Variants in NCOR1 observed in about 807,000 individuals in gnomAD.
NCOR1 encodes protein phosphatase 1, regulatory subunit 109.
A neutral mutation model predicts 288.1 loss-of-function variants in NCOR1; 63 were observed. That is an observed-to-expected ratio of 0.22 (90% CI 0.18 to 0.27). The LOEUF is 0.27. NCOR1 is among the 10% of genes least tolerant of loss of function. The pLI is 1.00. For missense variants in NCOR1, 2,397 were observed against 3,019.2 expected (o/e 0.79, Z 4.83); for synonymous variants, 1,007 against 1,065.9 (o/e 0.94, Z 1.08).
rs563704124 is a variant in NCOR1 at position 16,061,728 on chromosome 17, T to C, written c.5554A>G (p.Asn1852Asp). The C allele has an allele frequency of 1.9e-6, 3 of 1,614,220 alleles. No individual in the cohort carries two copies. In the South Asian group the frequency reaches 3.3e-5, roughly 18 times the overall value. The change falls in exon 37 of 46, where the codon AAT (asparagine) becomes GAT (aspartate). Residue 1852 changes from asparagine to aspartate, a missense_variant. Coordinates refer to ENST00000268712, the MANE Select transcript of NCOR1 (RefSeq NM_006311.4). ...ACTGCTGCTGACCTGCTTCTCAAATTTTCTTCTAACCTGGCAGCTTCATGC... is the reference window on the plus strand; with the variant it reads ...ACTGCTGCTGACCTGCTTCTCAAATCTTCTTCTAACCTGGCAGCTTCATGC... ...SKHEAARLEENLRSRSAAVSE... is the reference protein window; with the variant it reads ...SKHEAARLEEDLRSRSAAVSE...
chr17:16,061,935 C>A, intron 36 of NCOR1, 41 bp from the exon 37 acceptor site: 1 of 1,570,916 alleles, frequency 6.4e-7, no homozygotes, highest in South Asian at 1.2e-5. Context: ...AAGGGAAGAC[C>A]ATTTGCTGGG....
Position 16,151,959 on chromosome 17 carries a change from C to T in NCOR1, c.829G>A (p.Glu277Lys). 6.3e-7 allele frequency: 1 copy of T among 1,599,374 alleles called. No individual in the cohort carries two copies. Among genetic ancestry groups the T allele is most frequent in the Non-Finnish European group, 8.5e-7 (1 of 1,173,808 alleles). The change falls in exon 8 of 46, where the codon GAG (glutamate) becomes AAG (lysine). Residue 277 changes from glutamate to lysine, a missense_variant. Glu to Lys is a moderately conservative substitution (Grantham distance 56). This residue lies in a region of NCOR1 where 76 missense variants were observed against 102.2 expected (regional missense o/e 0.74). Transcript: ENST00000268712. ...NQPSDTKVYH[E>K]NIKTNQVMRK... is the part of the protein sequence containing the mutation. ...ATCAATACTTACGTCTTGATGTTCT[C>T]ATGGTACACCTTGGTATCTGATGGC... is the stretch of plus-strand genomic sequence containing the variant.
Position 16,080,055 on chromosome 17 carries a change from C to G in NCOR1, c.3410G>C (p.Gly1137Ala), listed in dbSNP as rs2063154258. The G allele has an allele frequency of 6.2e-7, 1 of 1,613,748 alleles. No individual in the cohort carries two copies. Among genetic ancestry groups the G allele is most frequent in the Non-Finnish European group, 8.5e-7 (1 of 1,179,776 alleles). Residue 1137 changes from glycine (G) to alanine (A), a missense_variant, in exon 26 of 46, where the codon GGA becomes GCA. By Grantham distance (60) the Gly-to-Ala change is moderately conservative (BLOSUM62 0). Transcript: ENST00000268712. Reference protein sequence around the residue: ...QHEGVVRGTAGAIQEGSITRG... With the variant: ...QHEGVVRGTAAAIQEGSITRG... ...AGTTATACTTCCTTCTTGTATGGCT[C>G]CTGCGGTACCTGAATACAAACAAAG...
chr17:16,066,223 G>A (rs935759114), intron 32 of NCOR1, among the ~76,000 whole-genome samples: 6 of 152,108 alleles, frequency 3.9e-5, no homozygotes, highest in African/African-American at 7.2e-5. Flanking sequence ...GGGCCATTTC[G>A]CATTTGTCAC....
rs767942246 is a variant in NCOR1, at chr17:16,057,716, C to A, written c.6190G>T (p.Ala2064Ser). ...GTCTGCGAGGAAACTTGATTTCTAG[C>A]AAAATCTTGTGTGATAATTTGCTGT... Reference protein sequence around the residue: ...HICQIITQDFARNQVSSQTPQ... With the variant: ...HICQIITQDFSRNQVSSQTPQ... Residue 2064 changes from alanine (A) to serine (S), a missense_variant, in exon 40 of 46, where the codon GCT (alanine) becomes TCT (serine). Ala to Ser is a moderately conservative substitution (Grantham distance 99). Coordinates refer to ENST00000268712, the MANE Select transcript of NCOR1 (RefSeq NM_006311.4). 1 of 1,613,366 alleles carries A rather than the reference C, an allele frequency of 6.2e-7. No homozygotes were observed. The highest frequency in any genetic ancestry group is 1.1e-5 in the South Asian group (1 of 91,044).
chr17:16,098,956 T>G (rs1234530248), intron 20 of NCOR1: 1 of 152,306 alleles, frequency 6.6e-6, no homozygotes. Flanking sequence ...GGTTAAAAAC[T>G]AGTTACCTGT....
intron 27 of NCOR1, among the ~76,000 whole-genome samples, chr17:16,074,717 TC>T (rs1482107686): frequency 6.6e-6 from 1 of 152,178 alleles, no homozygotes; most frequent in Non-Finnish European, 1.5e-5. Context: ...GGCTAATATT[TC>T]TATCACATTT....
chr17:16,071,350 A>T, intron 30 of NCOR1, 59 bp downstream of exon 30: 3 of 1,562,476 alleles, frequency 1.9e-6, no homozygotes, highest in Non-Finnish European at 2.6e-6. Context: ...ATTAAGTCAC[A>T]CTTTTTTAAA....
intron 45 of NCOR1, 105 bp from the exon 46 acceptor site, chr17:16,032,588 A>T: frequency 1.8e-6 from 2 of 1,105,730 alleles, no homozygotes; most frequent in Non-Finnish European, 2.5e-6. Flanking sequence ...TAAAATGGTC[A>T]TGTGACACCA....
chr17:16,193,487 C>T (rs985669849), intron 2 of NCOR1, among the ~76,000 whole-genome samples: 2 of 152,248 alleles, frequency 1.3e-5, no homozygotes, highest in Non-Finnish European at 1.5e-5. Context: ...CCCACCTCAG[C>T]CTCCCAAAAT....
intron 2 of NCOR1, among the ~76,000 whole-genome samples, chr17:16,187,344 C>T (rs1483136471): frequency 2.0e-5 from 3 of 151,456 alleles, no homozygotes; most frequent in South Asian, 2.1e-4. Flanking sequence ...TATATAAAAC[C>T]ACACACAAAA....
chr17:16,111,214 A>G (rs1343480227), intron 18 of NCOR1, among the ~76,000 whole-genome samples: 3 of 152,204 alleles, frequency 2.0e-5, no homozygotes, highest in South Asian at 2.1e-4. Context: ...TTCACATGCA[A>G]TAATTCACTA....
intron 22 of NCOR1, among the ~76,000 whole-genome samples, chr17:16,089,561 G>C (rs1377342097): frequency 6.6e-6 from 1 of 151,788 alleles, no homozygotes; most frequent in Admixed American, 6.6e-5. Context: ...CCAAATAGTT[G>C]GACAACAAGT....
intron 42 of NCOR1, among the ~76,000 whole-genome samples, chr17:16,041,539 G>T (rs1335244236): frequency 6.7e-6 from 1 of 149,294 alleles, no homozygotes; most frequent in Non-Finnish European, 1.5e-5. Context: ...TCAGCCTCCC[G>T]AGCAGCTGGG....
rs971301492 is a variant in NCOR1 at position 16,127,317 on chromosome 17, G to A, written c.1510-1111C>T. On this transcript the variant is annotated intron_variant, in intron 14 of 45. Coordinates refer to ENST00000268712, the MANE Select transcript of NCOR1 (RefSeq NM_006311.4). The stretch of plus-strand genomic sequence containing the variant: ...TGTATGTATGTATATATACATGTAT[G>A]TATATATGTATGTATATATACATGT... 3.2e-3 allele frequency among the ~76,000 whole-genome samples: 115 copies of A among 36,154 alleles called. 18 individuals carry two copies. Among genetic ancestry groups the A allele is most frequent in the Middle Eastern group, 0.043 (2 of 46 alleles). The allele number at this position is 36,154 out of a possible 152,430, so 23.7% of individuals were successfully genotyped here.
In NCOR1 at chr17:16,058,564, T is replaced by C. The variant is rs937367661; in HGVS notation, c.5917A>G (p.Ile1973Val). The C allele has an allele frequency of 1.9e-6, 3 of 1,613,120 alleles. No homozygotes were observed. In the African/African-American group the frequency reaches 4.0e-5, roughly 22 times the overall value. Residue 1973 changes from isoleucine (I) to valine (V), a missense_variant, in exon 38 of 46, where the codon ATT (isoleucine) becomes GTT (valine). Transcript: ENST00000268712. ...GAGCTGGCAGGACTTATCACCTCAA[T>C]AGCATCGCTAGGTGTTTCATACCTG... is the stretch of plus-strand genomic sequence containing the variant. ...SHRYETPSDA[I>V]EVISPASSPA...
chr17:16,077,736 C>T (rs1277004783), intron 26 of NCOR1, among the ~76,000 whole-genome samples: 1 of 152,094 alleles, frequency 6.6e-6, no homozygotes, highest in Non-Finnish European at 1.5e-5. Context: ...GATTATTTCT[C>T]ACTGGCAAAA....
chr17:16,126,260 T>G, intron 14 of NCOR1, 54 bp from the exon 15 acceptor site: 1 of 1,466,636 alleles, frequency 6.8e-7, no homozygotes, highest in East Asian at 2.5e-5. Context: ...AAATAGCTCC[T>G]TATAGTGTGA....
At chr17:16,187,850 T>C (rs1416234309) in intron 2 of NCOR1, among the ~76,000 whole-genome samples, 1 of 150,696 alleles carries the variant, frequency 6.6e-6, no homozygotes, top group African/African-American at 2.4e-5. Context: ...CAGTGAGCTC[T>C]GATTGTGCCA....
Sources: gnomAD v4.1 joint callset for allele counts (sites outside exome capture counted in the v4.1 genomes callset) on GRCh38, gnomAD v4.1.1 for gene constraint, gnomAD v4.1.1 regional missense constraint, MANE v1.5 for transcripts, NCBI Gene and HGNC (gene_info 2026-07-23, HGNC 2026-07-21) for gene names.